The following EPHA6 variants were observed in gnomAD, a reference collection of about 807,000 sequenced individuals.
EPHA6 encodes EPH receptor A6.
Under a neutral mutation model 112.0 loss-of-function variants are expected in EPHA6, and 50 were observed. The observed-to-expected ratio is 0.45, with a 90% CI of 0.36 to 0.56. The LOEUF is 0.56. Among genes scored for constraint, EPHA6 ranks in the 20% least tolerant of loss-of-function variants. The pLI, the probability that EPHA6 is intolerant of heterozygous loss-of-function variation, is 0.00. For synonymous variants in EPHA6, 529 were observed against 490.7 expected (o/e 1.08, Z -1.03); for missense variants, 1,280 against 1,417.4 (o/e 0.90, Z 1.56).
At chr3:97,671,068 C>T (rs2030763404) in intron 14 of EPHA6, among the ~76,000 whole-genome samples, 1 of 152,082 alleles carries the variant, frequency 6.6e-6, no homozygotes, top group African/African-American at 2.4e-5. Flanking sequence ...CAGTCACTGA[C>T]CACACGTATT....
Position 96,833,076 on chromosome 3 carries a change from C to T in EPHA6, c.385+18068C>T, listed in dbSNP as rs558873019. ...CGTTGAATTATGTCCTCTCAAAATTCGTATGTTGAAGCCTTAACTCCTAGT... is the reference window on the plus strand; with the variant it reads ...CGTTGAATTATGTCCTCTCAAAATTTGTATGTTGAAGCCTTAACTCCTAGT... On this transcript the variant is annotated intron_variant, in intron 1 of 17. Coordinates refer to ENST00000389672, the MANE Select transcript of EPHA6 (RefSeq NM_001080448.3). 5.3e-5 allele frequency among the ~76,000 whole-genome samples: 8 copies of T among 151,432 alleles called. No homozygotes were observed. In the East Asian group the frequency reaches 5.8e-4, roughly 11 times the overall value.
intron 5 of EPHA6, among the ~76,000 whole-genome samples, chr3:97,396,204 G>A (rs143909335): frequency 6.6e-6 from 1 of 151,182 alleles, no homozygotes; most frequent in East Asian, 1.9e-4. Context: ...ATTGTCACAA[G>A]CATGTGTATA....
intron 10 of EPHA6, among the ~76,000 whole-genome samples, chr3:97,511,552 A>C (rs1426212844): frequency 1.3e-5 from 2 of 151,980 alleles, no homozygotes; most frequent in Non-Finnish European, 2.9e-5. Flanking sequence ...CGGGTACCTC[A>C]GTTGGAAATG....
chr3:96,988,468 A>G (rs1200564437), intron 3 of EPHA6, among the ~76,000 whole-genome samples: 1 of 152,134 alleles, frequency 6.6e-6, no homozygotes, highest in Non-Finnish European at 1.5e-5. Context: ...TGGTGTTCAC[A>G]TTTTTACAGT....
intron 11 of EPHA6, among the ~76,000 whole-genome samples, chr3:97,533,482 A>G (rs1027053038): frequency 2.6e-5 from 4 of 152,074 alleles, no homozygotes; most frequent in African/African-American, 4.8e-5. Flanking sequence ...CCTGACAGCT[A>G]TGAAAGTTTG....
At position 97,226,388 on chromosome 3, in the gene EPHA6, T is replaced by G. The variant is rs375090191; in HGVS notation, c.1239T>G (p.Ala413=). The G allele has an allele frequency of 6.2e-6, 10 of 1,613,412 alleles. No individual in the cohort carries two copies. The African/African-American group carries it at 1.2e-4, about 19-fold the overall frequency. ...VCQCEKGYFR[A]EKDPPSMACT... ...AGTGTGAAAAGGGTTATTTCCGAGCTGAAAAAGACCCACCTTCTATGGCAT... is the reference window on the plus strand; with the variant it reads ...AGTGTGAAAAGGGTTATTTCCGAGCGGAAAAAGACCCACCTTCTATGGCAT... The change falls in exon 4 of 18, where the codon GCT becomes GCG. Residue 413 remains alanine (A), a synonymous_variant. Transcript: ENST00000389672.
chr3:97,379,966 G>A (rs1310517119), intron 5 of EPHA6, among the ~76,000 whole-genome samples: 1 of 151,978 alleles, frequency 6.6e-6, no homozygotes, highest in Non-Finnish European at 1.5e-5. Context: ...TAATAATGTG[G>A]CAGACAAATT....
intron 2 of EPHA6, among the ~76,000 whole-genome samples, chr3:96,917,252 C>G (rs1030335087): frequency 6.6e-6 from 1 of 151,724 alleles, no homozygotes; most frequent in South Asian, 2.1e-4. Flanking sequence ...GAAACCCCAT[C>G]TCTACTAAAA....
chr3:96,973,933 A>G (rs2042416599), intron 2 of EPHA6, among the ~76,000 whole-genome samples: 1 of 145,996 alleles, frequency 6.8e-6, no homozygotes, highest in African/African-American at 2.5e-5. Context: ...ATTATATAAT[A>G]TATAATATAG....
In EPHA6 at chr3:97,748,795, T is replaced by C. The variant is rs1331677545; in HGVS notation, c.*94T>C. 1.4e-6 allele frequency: 1 copy of C among 727,252 alleles called. No homozygotes were observed. The highest frequency in any genetic ancestry group is 2.5e-6 in the Non-Finnish European group (1 of 404,004). 45.0% of individuals were successfully genotyped at this position (727,252 alleles called of 1,614,324 possible). A position where few individuals can be genotyped will look rare whatever the true frequency, so the allele number is the denominator to read the frequency against. On this transcript the variant is annotated 3_prime_UTR_variant, in exon 18 of 18. Coordinates refer to ENST00000389672, the MANE Select transcript of EPHA6 (RefSeq NM_001080448.3). The stretch of plus-strand genomic sequence containing the variant: ...TCTCTTCTGATTCTCCAAACATCAC[T>C]TCACAAACTGCAGTCTTCTGTTCAG...
chr3:97,558,517 T>G (rs1399141071), intron 11 of EPHA6, among the ~76,000 whole-genome samples: 1 of 152,028 alleles, frequency 6.6e-6, no homozygotes, highest in African/African-American at 2.4e-5. Flanking sequence ...TGTTTTGTCT[T>G]TCCCCCTTTC....
chr3:97,184,761 A>G (rs575398827), intron 3 of EPHA6, among the ~76,000 whole-genome samples: 1 of 152,336 alleles, frequency 6.6e-6, no homozygotes, highest in Non-Finnish European at 1.5e-5. Context: ...TGCCAAGTCA[A>G]TCCTAAGCCA....
chr3:97,135,781 T>C, intron 3 of EPHA6, among the ~76,000 whole-genome samples: 1 of 148,430 alleles, frequency 6.7e-6, no homozygotes, highest in African/African-American at 2.5e-5. Flanking sequence ...CAGATTTGGC[T>C]ATGTAAGTAA....
chr3:97,082,851 C>A (rs1205217698), intron 3 of EPHA6, among the ~76,000 whole-genome samples: 7 of 151,894 alleles, frequency 4.6e-5, no homozygotes, highest in Non-Finnish European at 8.8e-5. Context: ...TATTGACCAA[C>A]ATTTTTCTTA....
chr3:96,964,079 A>G (rs2042038932), intron 2 of EPHA6, among the ~76,000 whole-genome samples: 2 of 152,170 alleles, frequency 1.3e-5, no homozygotes, highest in Non-Finnish European at 1.5e-5. Flanking sequence ...ATACTTTGAC[A>G]TGGGTATGTA....
chr3:97,626,730 G>A (rs1243302694), intron 13 of EPHA6, among the ~76,000 whole-genome samples: 1 of 151,826 alleles, frequency 6.6e-6, no homozygotes, highest in Non-Finnish European at 1.5e-5. Context: ...CAGTTTGCAA[G>A]AGCTGGTTGA....
intron 5 of EPHA6, among the ~76,000 whole-genome samples, chr3:97,356,761 A>G (rs142433949): frequency 7.2e-5 from 11 of 151,970 alleles, no homozygotes; most frequent in African/African-American, 2.7e-4. Context: ...ACTTGAGACA[A>G]TTTTATATGC....
chr3:97,119,246 C>T (rs1372825086), intron 3 of EPHA6, among the ~76,000 whole-genome samples: 1 of 152,024 alleles, frequency 6.6e-6, no homozygotes, highest in African/African-American at 2.4e-5. Flanking sequence ...TAACTCATTA[C>T]TCTGCACACT....
At chr3:96,915,117 G>A (rs141479740) in intron 2 of EPHA6, among the ~76,000 whole-genome samples, 44 of 151,942 alleles carry the variant, frequency 2.9e-4, no homozygotes, top group Non-Finnish European at 5.5e-4. Flanking sequence ...AGCTAAAATG[G>A]TGATGAAATA....
Sources: gnomAD v4.1 joint callset for allele counts (sites outside exome capture counted in the v4.1 genomes callset) on GRCh38, gnomAD v4.1.1 for gene constraint, MANE v1.5 for transcripts, NCBI Gene and HGNC (gene_info 2026-07-23, HGNC 2026-07-21) for gene names.